Variants in GRIK4 observed in about 807,000 individuals in gnomAD.
GRIK4 encodes the protein glutamate ionotropic receptor kainate type subunit 4, also known as glutamate receptor ionotropic, kainate 4.
A neutral mutation model predicts 104.9 loss-of-function variants in GRIK4; 40 were observed. The ratio of observed to expected loss-of-function variants is 0.38; its 90% CI spans 0.30 to 0.50. The LOEUF (loss-of-function observed/expected upper bound fraction) is 0.50. Among genes scored for constraint, GRIK4 ranks in the 20% least tolerant of loss-of-function variants. The probability of loss-of-function intolerance (pLI) is 0.93; values close to 1 mark genes in which losing one functional copy is unlikely to be tolerated. For missense variants in GRIK4, 1,047 were observed against 1,308.1 expected, an observed-to-expected ratio of 0.80 and a Z score of 3.08; for synonymous variants, 485 against 524.9, an observed-to-expected ratio of 0.92 and a Z score of 1.04.
intron 3 of GRIK4, among the ~76,000 whole-genome samples, chr11:120,745,987 T>C (rs1205056293): frequency 6.6e-6 from 1 of 152,192 alleles, no homozygotes; most frequent in Non-Finnish European, 1.5e-5. Context: ...CCAGCTCTGC[T>C]CTTAATGAGT....
At chr11:120,615,175 A>T (rs2135154062) in intron 1 of GRIK4, among the ~76,000 whole-genome samples, 1 of 152,254 alleles carries the variant, frequency 6.6e-6, no homozygotes, top group South Asian at 2.1e-4. Context: ...TTGCTATTTG[A>T]GGCAACTGAG....
chr11:120,512,689 G>A (rs957747740), intron 1 of GRIK4, among the ~76,000 whole-genome samples: 9 of 152,158 alleles, frequency 5.9e-5, no homozygotes, highest in African/African-American at 1.9e-4. Flanking sequence ...TCTCTTCAGT[G>A]AGGACTGGCA....
intron 3 of GRIK4, among the ~76,000 whole-genome samples, chr11:120,800,856 A>G (rs1952608932): frequency 6.6e-6 from 1 of 152,226 alleles, no homozygotes; most frequent in Non-Finnish European, 1.5e-5. Context: ...TGTCAGTGAA[A>G]TGTATTCGGC....
At chr11:120,689,314 A>T (rs1342456164) in intron 3 of GRIK4, among the ~76,000 whole-genome samples, 3 of 152,022 alleles carry the variant, frequency 2.0e-5, no homozygotes, top group African/African-American at 7.2e-5. Flanking sequence ...TCTTGAGCCT[A>T]TTCTAAATGT....
chr11:120,813,266 C>A (rs1165086926), intron 4 of GRIK4, among the ~76,000 whole-genome samples: 4 of 152,072 alleles, frequency 2.6e-5, no homozygotes, highest in Non-Finnish European at 4.4e-5. Context: ...AGGTGTGTGA[C>A]CAGAGCGGAG....
At chr11:120,815,579 G>A (rs1565369129) in intron 5 of GRIK4, 104 bp downstream of exon 5, 1 of 638,118 alleles carries the variant, frequency 1.6e-6, no homozygotes, top group Non-Finnish European at 2.7e-6. Context: ...GTCAAGGCTG[G>A]GTTGGTATCA....
chr11:120,638,086 G>T (rs1591759639), intron 1 of GRIK4, among the ~76,000 whole-genome samples: 1 of 152,054 alleles, frequency 6.6e-6, no homozygotes, highest in East Asian at 1.9e-4. Context: ...CGCCACATTG[G>T]CCAGGCTGGT....
At chr11:120,610,835 A>G (rs940434965) in intron 1 of GRIK4, among the ~76,000 whole-genome samples, 1 of 152,124 alleles carries the variant, frequency 6.6e-6, no homozygotes, top group African/African-American at 2.4e-5. Flanking sequence ...GATTCTTGCT[A>G]CAGGTTATGC....
chr11:120,767,779 T>C (rs1434921499), intron 3 of GRIK4, among the ~76,000 whole-genome samples: 1 of 152,178 alleles, frequency 6.6e-6, no homozygotes, highest in Non-Finnish European at 1.5e-5. Context: ...AATCCAGTTT[T>C]TCAGCACCAT....
At chr11:120,607,359 C>T (rs1948975658) in intron 1 of GRIK4, among the ~76,000 whole-genome samples, 1 of 152,138 alleles carries the variant, frequency 6.6e-6, no homozygotes, top group African/African-American at 2.4e-5. Flanking sequence ...TGTTTAGCAC[C>T]ACAGCACGTT....
intron 1 of GRIK4, among the ~76,000 whole-genome samples, chr11:120,648,035 C>T (rs943597341): frequency 5.3e-5 from 8 of 152,132 alleles, no homozygotes; most frequent in African/African-American, 7.2e-5. Flanking sequence ...TTCTGGCCGC[C>T]GGAGCTGGGT....
intron 4 of GRIK4, among the ~76,000 whole-genome samples, chr11:120,805,309 C>T (rs965403402): frequency 5.9e-5 from 9 of 152,156 alleles, no homozygotes; most frequent in Non-Finnish European, 1.2e-4. Flanking sequence ...CTTCTCTTCT[C>T]GGTTCTTCAG....
intron 3 of GRIK4, among the ~76,000 whole-genome samples, chr11:120,758,081 G>A (rs1279330900): frequency 6.6e-6 from 1 of 152,122 alleles, no homozygotes; most frequent in Non-Finnish European, 1.5e-5. Flanking sequence ...ATTTCCCTGG[G>A]CATTCCTTAA....
At chr11:120,840,301 C>T (rs1953680463) in intron 8 of GRIK4, among the ~76,000 whole-genome samples, 1 of 152,170 alleles carries the variant, frequency 6.6e-6, no homozygotes, top group Non-Finnish European at 1.5e-5. Context: ...AGTGAACTGA[C>T]ATCTGGGCCT....
chr11:120,650,181 G>A (rs750527898), intron 1 of GRIK4, among the ~76,000 whole-genome samples: 16 of 152,150 alleles, frequency 1.1e-4, no homozygotes, highest in Non-Finnish European at 2.1e-4. Flanking sequence ...TGGGAGCTGC[G>A]GGCTCCTTGC....
chr11:120,545,529 A>G (rs1299821401), intron 1 of GRIK4, among the ~76,000 whole-genome samples: 1 of 152,198 alleles, frequency 6.6e-6, no homozygotes, highest in Non-Finnish European at 1.5e-5. Context: ...TACGATTATT[A>G]TTAACCATTC....
chr11:120,864,674 C>T (rs1226304207), intron 9 of GRIK4, among the ~76,000 whole-genome samples: 1 of 152,240 alleles, frequency 6.6e-6, no homozygotes, highest in Non-Finnish European at 1.5e-5. Context: ...TGGTCCCAGG[C>T]TCTATTTCCT....
chr11:120,534,591 C>G (rs1591679611), intron 1 of GRIK4, among the ~76,000 whole-genome samples: 2 of 152,198 alleles, frequency 1.3e-5, no homozygotes, highest in East Asian at 3.9e-4. Context: ...GCTCAGAAAC[C>G]CAGGTAGAAT....
At chr11:120,558,796 C>T (rs993432977) in intron 1 of GRIK4, among the ~76,000 whole-genome samples, 2 of 152,204 alleles carry the variant, frequency 1.3e-5, no homozygotes, top group Admixed American at 6.5e-5. Context: ...TAGGTTCACA[C>T]TGAACGTGAG....
Sources: allele counts gnomAD v4.1 joint callset (sites outside exome capture counted in the v4.1 genomes callset), GRCh38; gene constraint gnomAD v4.1.1; transcripts MANE v1.5; gene names NCBI Gene and HGNC (gene_info 2026-07-23, HGNC 2026-07-21).